The following EYS variants were observed in gnomAD, a reference collection of about 807,000 sequenced individuals.
EYS encodes the protein protein eyes shut homolog.
A neutral mutation model predicts 282.1 loss-of-function variants in EYS; 250 were observed. That is an observed-to-expected ratio of 0.89 (90% confidence interval 0.80 to 0.98). The LOEUF is 0.98. Ranked by LOEUF, EYS falls within the 50% of genes least tolerant of loss-of-function variation. The pLI is 0.00. For missense variants in EYS, 4,016 were observed against 3,709.0 expected, an observed-to-expected ratio of 1.08 and a Z score of -2.15; for synonymous variants, 1,355 against 1,282.9, an observed-to-expected ratio of 1.06 and a Z score of -1.20.
chr6:64,029,319 C>T lies in EYS; in HGVS notation c.6726-30136G>A, dbSNP rs146709349. Among the ~76,000 whole-genome samples, 1,084 of 152,284 alleles carry T rather than the reference C, an allele frequency of 7.1e-3. 15 individuals carry two copies. Among genetic ancestry groups the T allele is most frequent in the African/African-American group, 0.024 (992 of 41,548 alleles). On this transcript the variant is annotated intron_variant, in intron 33 of 42. Coordinates refer to ENST00000503581, the MANE Select transcript of EYS (RefSeq NM_001142800.2). ...AATTGATGTAGTAGCAAAAGGCTGG[C>T]CTCACTGTTTAAGGGTAGTTGCAGC...
rs75242532 is a variant in EYS, at chr6:64,821,642, T to C, written c.3243+3A>G. The C allele has an allele frequency of 1.1e-5, 15 of 1,413,438 alleles. No homozygotes were observed. In the African/African-American group the frequency reaches 1.5e-4, roughly 14 times the overall value. 87.6% of individuals were successfully genotyped at this position (1,413,438 alleles called of 1,614,324 possible). On this transcript the variant is annotated splice_donor_region_variant and intron_variant, in intron 21 of 42. Coordinates refer to ENST00000503581, the MANE Select transcript of EYS (RefSeq NM_001142800.2). The stretch of plus-strand genomic sequence containing the variant: ...ATAACTTGAATAAAATTATAAGACT[T>C]ACATTAATTTTGATCTTACATTGTG...
chr6:64,352,255 C>T (rs151038123), intron 29 of EYS, among the ~76,000 whole-genome samples: 1 of 151,534 alleles, frequency 6.6e-6, no homozygotes, highest in African/African-American at 2.4e-5. Context: ...CCCAAACAAA[C>T]CTCTGAACTC....
At chr6:65,139,663 C>T (rs979941357) in intron 12 of EYS, among the ~76,000 whole-genome samples, 1 of 152,040 alleles carries the variant, frequency 6.6e-6, no homozygotes, top group African/African-American at 2.4e-5. Flanking sequence ...TCTACCCATG[C>T]CCATTGGAAA....
intron 22 of EYS, among the ~76,000 whole-genome samples, chr6:64,691,261 T>C (rs1311425201): frequency 1.3e-5 from 2 of 152,112 alleles, no homozygotes; most frequent in Admixed American, 6.6e-5. Flanking sequence ...ATGACTACTC[T>C]CCATCTTCTA....
chr6:64,181,711 T>TA (rs1335210641), intron 31 of EYS, among the ~76,000 whole-genome samples: 1 of 152,130 alleles, frequency 6.6e-6, no homozygotes, highest in Non-Finnish European at 1.5e-5. Context: ...ACGTGTTTTT[T>TA]ATCTCAAAAA....
At chr6:64,083,292 A>G (rs980029200) in intron 31 of EYS, among the ~76,000 whole-genome samples, 9 of 152,106 alleles carry the variant, frequency 5.9e-5, no homozygotes, top group Non-Finnish European at 1.0e-4. Context: ...TATTTTTACC[A>G]TCTCTCTAAG....
chr6:64,227,690 G>A (rs1207915203), intron 31 of EYS, among the ~76,000 whole-genome samples: 1 of 151,994 alleles, frequency 6.6e-6, no homozygotes, highest in African/African-American at 2.4e-5. Flanking sequence ...GGTAAATCAG[G>A]ACTCTTCACA....
intron 13 of EYS, among the ~76,000 whole-genome samples, chr6:65,042,284 G>C (rs1246433590): frequency 1.3e-5 from 2 of 151,114 alleles, no homozygotes; most frequent in East Asian, 3.9e-4. Flanking sequence ...AATAAAGCTG[G>C]GCCTTGATTT....
chr6:63,977,825 G>A (rs548874561), intron 35 of EYS, among the ~76,000 whole-genome samples: 19 of 152,030 alleles, frequency 1.2e-4, no homozygotes, highest in African/African-American at 4.6e-4. Flanking sequence ...CCTGTCCCAA[G>A]CCAGACCCAA....
intron 37 of EYS, among the ~76,000 whole-genome samples, chr6:63,795,969 T>TTA (rs770644304): frequency 1.3e-5 from 2 of 152,182 alleles, no homozygotes; most frequent in Non-Finnish European, 2.9e-5. Flanking sequence ...GTAACTGTAA[T>TTA]TAGAAGTGGT....
At chr6:64,849,219 G>A (rs543239229) in intron 19 of EYS, among the ~76,000 whole-genome samples, 31 of 151,794 alleles carry the variant, frequency 2.0e-4, no homozygotes, top group African/African-American at 6.5e-4. Context: ...CTGCTTTACA[G>A]AATGTTCATG....
intron 16 of EYS, among the ~76,000 whole-genome samples, chr6:64,905,321 A>C (rs577596992): frequency 6.6e-6 from 1 of 152,228 alleles, no homozygotes; most frequent in Admixed American, 6.5e-5. Context: ...GAATATATGA[A>C]GTTACAGGTA....
intron 35 of EYS, among the ~76,000 whole-genome samples, chr6:63,881,589 C>T (rs1261524265): frequency 6.6e-6 from 1 of 152,134 alleles, no homozygotes; most frequent in Admixed American, 6.6e-5. Context: ...TCTGAATATA[C>T]ATACTTAAAT....
chr6:65,167,708 C>T (rs908077947), intron 12 of EYS, among the ~76,000 whole-genome samples: 11 of 151,320 alleles, frequency 7.3e-5, no homozygotes, highest in Admixed American at 2.6e-4. Flanking sequence ...ATTATATCTC[C>T]GAATATTGCT....
chr6:63,856,678 T>C (rs1279464766), intron 36 of EYS, among the ~76,000 whole-genome samples: 1 of 152,194 alleles, frequency 6.6e-6, no homozygotes, highest in Non-Finnish European at 1.5e-5. Flanking sequence ...AAAAGAAATA[T>C]ATAAAATATC....
At chr6:65,040,735 A>C (rs972722734) in intron 13 of EYS, among the ~76,000 whole-genome samples, 13 of 151,666 alleles carry the variant, frequency 8.6e-5, no homozygotes, top group Non-Finnish European at 1.6e-4. Flanking sequence ...TTCTAAAAAA[A>C]TTTGATTACC....
At chr6:65,072,028 C>A (rs1458246964) in intron 12 of EYS, among the ~76,000 whole-genome samples, 1 of 151,694 alleles carries the variant, frequency 6.6e-6, no homozygotes, top group Non-Finnish European at 1.5e-5. Context: ...TATAAATTAC[C>A]CAGTCTTAAG....
chr6:64,375,307 C>T (rs1772526959), intron 29 of EYS, among the ~76,000 whole-genome samples: 1 of 152,202 alleles, frequency 6.6e-6, no homozygotes, highest in South Asian at 2.1e-4. Context: ...TTTACAGAAG[C>T]TGTCACTTGA....
intron 15 of EYS, among the ~76,000 whole-genome samples, chr6:64,920,565 A>G (rs1768311586): frequency 6.6e-6 from 1 of 152,116 alleles, no homozygotes; most frequent in Non-Finnish European, 1.5e-5. Flanking sequence ...ATAATGCTTT[A>G]TATATTCAGA....
Sources: gnomAD v4.1 joint callset for allele counts (sites outside exome capture counted in the v4.1 genomes callset) on GRCh38, gnomAD v4.1.1 for gene constraint, MANE v1.5 for transcripts, NCBI Gene and HGNC (gene_info 2026-07-23, HGNC 2026-07-21) for gene names.